Variants in LARGE1 observed in about 807,000 individuals in gnomAD.
The protein encoded by LARGE1 is xylosyl- and glucuronyltransferase LARGE1.
A neutral mutation model predicts 87.6 loss-of-function variants in LARGE1; 43 were observed. That is an observed-to-expected ratio of 0.49 (90% CI 0.38 to 0.63). The LOEUF (loss-of-function observed/expected upper bound fraction) is 0.63. LARGE1 is among the 30% of genes least tolerant of loss of function. The pLI, the probability that LARGE1 is intolerant of heterozygous loss-of-function variation, is 0.00. For missense variants in LARGE1, 802 were observed against 1,000.2 expected (o/e 0.80, Z 2.67); for synonymous variants, 434 against 394.6 (o/e 1.10, Z -1.18).
At chr22:33,465,629 TGTCTATTCACAC>T (rs2068576046) in intron 6 of LARGE1, among the ~76,000 whole-genome samples, 1 of 152,194 alleles carries the variant, frequency 6.6e-6, no homozygotes, top group African/African-American at 2.4e-5. Flanking sequence ...GTTCTTTAAG[TGTCTATTCACAC>T]GTCCATCTTC....
chr22:33,753,114 G>T (rs2084382372), intron 2 of LARGE1, among the ~76,000 whole-genome samples: 1 of 152,140 alleles, frequency 6.6e-6, no homozygotes, highest in African/African-American at 2.4e-5. Context: ...CAGCTACTCA[G>T]GAGGCTGAGG....
At chr22:33,185,299 C>G (rs1760072612) in intron 11 of LARGE1, among the ~76,000 whole-genome samples, 1 of 152,070 alleles carries the variant, frequency 6.6e-6, no homozygotes, top group African/African-American at 2.4e-5. Flanking sequence ...AGAAGCCAAT[C>G]TGAAAAAGCT....
intron 2 of LARGE1, among the ~76,000 whole-genome samples, chr22:33,700,235 G>C (rs1052378555): frequency 2.0e-5 from 3 of 152,110 alleles, no homozygotes; most frequent in African/African-American, 7.2e-5. Context: ...TCAGACACTT[G>C]GGGAGAAGAA....
chr22:33,184,042 G>T (rs1254133110), intron 11 of LARGE1, among the ~76,000 whole-genome samples: 2 of 133,592 alleles, frequency 1.5e-5, no homozygotes, highest in Non-Finnish European at 3.2e-5. Context: ...GGTAACTATG[G>T]GTAGTGATGG....
intron 2 of LARGE1, among the ~76,000 whole-genome samples, chr22:33,709,274 T>C (rs553113458): frequency 6.6e-5 from 10 of 152,030 alleles, no homozygotes; most frequent in African/African-American, 2.2e-4. Context: ...AATCCAGACC[T>C]CCAAGACCCT....
intron 1 of LARGE1, among the ~76,000 whole-genome samples, chr22:33,784,136 T>A (rs1477925411): frequency 6.6e-6 from 1 of 152,220 alleles, no homozygotes; most frequent in Non-Finnish European, 1.5e-5. Context: ...GAATGGCTTT[T>A]CGTTTCGTTT....
chr22:33,458,866 T>C (rs1440790430), intron 6 of LARGE1, among the ~76,000 whole-genome samples: 3 of 152,156 alleles, frequency 2.0e-5, no homozygotes, highest in Non-Finnish European at 4.4e-5. Context: ...AAAATAATCC[T>C]TGCCCTACTT....
At chr22:33,251,078 T>G (rs1185498420) in intron 11 of LARGE1, among the ~76,000 whole-genome samples, 1 of 152,214 alleles carries the variant, frequency 6.6e-6, no homozygotes, top group Non-Finnish European at 1.5e-5. Flanking sequence ...TTGGTACAAT[T>G]TCTTCCTCAA....
intron 1 of LARGE1, among the ~76,000 whole-genome samples, chr22:33,878,983 CCTT>C (rs2064574678): frequency 9.5e-5 from 12 of 126,784 alleles, no homozygotes; most frequent in Non-Finnish European, 1.0e-4. Context: ...TCTTCTTCTT[CCTT>C]TTTTTTTTTT....
chr22:33,400,591 C>T (rs902182434), intron 7 of LARGE1, among the ~76,000 whole-genome samples: 1 of 152,184 alleles, frequency 6.6e-6, no homozygotes, highest in Non-Finnish European at 1.5e-5. Context: ...TGTCTCATTT[C>T]CCTCCCCAGA....
chr22:33,161,847 G>A (rs1193862648), downstream of LARGE1, among the ~76,000 whole-genome samples: 2 of 152,050 alleles, frequency 1.3e-5, no homozygotes, highest in African/African-American at 2.4e-5. Flanking sequence ...TCTAGAGGAT[G>A]AGGATCTCTA....
intron 3 of LARGE1, among the ~76,000 whole-genome samples, chr22:33,632,989 C>A (rs1437857134): frequency 6.6e-6 from 1 of 152,114 alleles, no homozygotes; most frequent in Non-Finnish European, 1.5e-5. Context: ...CTTGATGATA[C>A]AGGTAAGGTA....
chr22:33,344,139 T>A (rs920094158), intron 9 of LARGE1, among the ~76,000 whole-genome samples: 1 of 152,210 alleles, frequency 6.6e-6, no homozygotes, highest in Admixed American at 6.5e-5. Flanking sequence ...CAAATGTTAA[T>A]CTCTTTTGGC....
At chr22:33,624,927 G>A (rs1404890185) in intron 4 of LARGE1, among the ~76,000 whole-genome samples, 1 of 152,220 alleles carries the variant, frequency 6.6e-6, no homozygotes, top group Non-Finnish European at 1.5e-5. Flanking sequence ...GAATCGCAAA[G>A]CACTGACTGC....
At chr22:33,402,964 C>T (rs1368742712) in intron 7 of LARGE1, among the ~76,000 whole-genome samples, 2 of 152,178 alleles carry the variant, frequency 1.3e-5, no homozygotes, top group Admixed American at 6.5e-5. Context: ...AATCCAGTTT[C>T]ACTTGTTCCA....
intron 6 of LARGE1, among the ~76,000 whole-genome samples, chr22:33,543,381 A>C (rs2077266748): frequency 6.6e-6 from 1 of 152,206 alleles, no homozygotes; most frequent in Non-Finnish European, 1.5e-5. Context: ...GGCTGCAGAT[A>C]CCACCTTTTC....
the LARGE1 span, among the ~76,000 whole-genome samples, chr22:33,069,303 G>A: frequency 6.6e-6 from 1 of 152,166 alleles, no homozygotes; most frequent in Non-Finnish European, 1.5e-5. Flanking sequence ...GTTCAGCTCA[G>A]CCCGTTACTA....
At chr22:33,504,596 T>A (rs374510483) in intron 6 of LARGE1, among the ~76,000 whole-genome samples, 2 of 152,188 alleles carry the variant, frequency 1.3e-5, no homozygotes, top group African/African-American at 2.4e-5. Flanking sequence ...AGTTCAGACA[T>A]TAGAGACTGG....
At chr22:33,764,949 C>A (rs1317301951) in intron 1 of LARGE1, among the ~76,000 whole-genome samples, 3 of 152,062 alleles carry the variant, frequency 2.0e-5, no homozygotes, top group African/African-American at 4.8e-5. Context: ...GAATGTGGAA[C>A]CCTCAGATAT....
Sources: gnomAD v4.1 joint callset for allele counts (sites outside exome capture counted in the v4.1 genomes callset) on GRCh38, gnomAD v4.1.1 for gene constraint, MANE v1.5 for transcripts, NCBI Gene and HGNC (gene_info 2026-07-23, HGNC 2026-07-21) for gene names.